Variants in PRKN observed in about 807,000 individuals in gnomAD.
The protein encoded by PRKN is E3 ubiquitin-protein ligase parkin.
Under a neutral mutation model 59.5 loss-of-function variants are expected in PRKN, and 56 were observed. The observed-to-expected ratio is 0.94, with a 90% CI of 0.76 to 1.18. The LOEUF (loss-of-function observed/expected upper bound fraction) is 1.18. PRKN is among the 50% of genes most tolerant of loss of function. The probability of loss-of-function intolerance (pLI) is 0.00; values close to 1 mark genes in which losing one functional copy is unlikely to be tolerated. For synonymous variants in PRKN, 250 were observed against 222.1 expected, an observed-to-expected ratio of 1.13 and a Z score of -1.12; for missense variants, 657 against 596.4, an observed-to-expected ratio of 1.10 and a Z score of -1.06.
At chr6:161,699,904 C>T (rs1175052825) in intron 7 of PRKN, among the ~76,000 whole-genome samples, 2 of 152,086 alleles carry the variant, frequency 1.3e-5, no homozygotes, top group African/African-American at 4.8e-5. Flanking sequence ...TTGTTTTTCC[C>T]TCCTGTCCAT....
chr6:162,643,397 C>CAAAAA (rs59995115), intron 1 of PRKN, among the ~76,000 whole-genome samples: 1,826 of 82,114 alleles, frequency 0.022, 178 homozygotes, highest in African/African-American at 0.07. Context: ...GACTCTGCCT[C>CAAAAA]AAAAAAAAAA....
chr6:161,441,646 T>TAAA (rs549048343), intron 9 of PRKN, among the ~76,000 whole-genome samples: 1 of 97,532 alleles, frequency 1.0e-5, no homozygotes, highest in Non-Finnish European at 2.0e-5. Context: ...CTCTGTCTCT[T>TAAA]AAAAAAAAAA....
chr6:162,618,753 C>T (rs1038077193), intron 1 of PRKN, among the ~76,000 whole-genome samples: 1 of 152,214 alleles, frequency 6.6e-6, no homozygotes, highest in South Asian at 2.1e-4. Flanking sequence ...TTGAAACTCC[C>T]CCCCAAAAGT....
At chr6:162,098,489 T>C (rs1477257420) in intron 4 of PRKN, among the ~76,000 whole-genome samples, 1 of 152,158 alleles carries the variant, frequency 6.6e-6, no homozygotes, top group Non-Finnish European at 1.5e-5. Context: ...GTCTAAGCTA[T>C]TTGGACACTA....
chr6:162,632,926 G>A (rs1777560655), intron 1 of PRKN, among the ~76,000 whole-genome samples: 1 of 152,030 alleles, frequency 6.6e-6, no homozygotes, highest in African/African-American at 2.4e-5. Context: ...CATAAGCAAA[G>A]CTGAAATTCA....
intron 2 of PRKN, among the ~76,000 whole-genome samples, chr6:162,273,418 CA>C (rs1780480253): frequency 6.6e-6 from 1 of 152,110 alleles, no homozygotes; most frequent in South Asian, 2.1e-4. Context: ...CTGACAATGT[CA>C]GTACATAAAT....
chr6:162,105,082 T>C (rs769977691), intron 4 of PRKN, among the ~76,000 whole-genome samples: 1 of 152,158 alleles, frequency 6.6e-6, no homozygotes, highest in Non-Finnish European at 1.5e-5. Context: ...TCATCACGCA[T>C]TAGAGTAAAA....
At chr6:161,971,415 T>C (rs1283062074) in intron 6 of PRKN, among the ~76,000 whole-genome samples, 1 of 152,216 alleles carries the variant, frequency 6.6e-6, no homozygotes, top group Non-Finnish European at 1.5e-5. Flanking sequence ...TTTTGAATTT[T>C]TCCTTTGAAA....
Position 161,355,907 on chromosome 6 carries a change from G to A in PRKN, c.1285+4181C>T, listed in dbSNP as rs909226044. The stretch of plus-strand genomic sequence containing the variant: ...ATTATTAAACTGGTGGGTGGGACTC[G>A]TTGGGTAAAGGGGGAAGCAGACACT... On this transcript the variant is annotated intron_variant, in intron 11 of 11. Transcript: ENST00000366898. The surrounding 1 kb of genome is among the most constrained non-coding windows in gnomAD (Gnocchi z 6.8). 6.6e-5 allele frequency among the ~76,000 whole-genome samples: 10 copies of A among 152,172 alleles called. No homozygotes were observed. Among genetic ancestry groups the A allele is most frequent in the African/African-American group, 1.2e-4 (5 of 41,440 alleles).
intron 7 of PRKN, among the ~76,000 whole-genome samples, chr6:161,643,173 C>T (rs1176829960): frequency 6.6e-6 from 1 of 152,142 alleles, no homozygotes; most frequent in East Asian, 1.9e-4. Flanking sequence ...TTTGTAGAAA[C>T]ACTTCTTTTT....
chr6:161,793,079 T>C (rs1413580800), intron 6 of PRKN, among the ~76,000 whole-genome samples: 1 of 152,322 alleles, frequency 6.6e-6, no homozygotes, highest in South Asian at 2.1e-4. Flanking sequence ...TATGAGTTCA[T>C]TATTTGAATT....
intron 6 of PRKN, among the ~76,000 whole-genome samples, chr6:161,860,447 C>T (rs564787346): frequency 2.0e-5 from 3 of 152,300 alleles, no homozygotes; most frequent in African/African-American, 7.2e-5. Flanking sequence ...TCTTTTTCAA[C>T]ATCAGATTTT....
chr6:162,700,838 T>A (rs976635728), intron 1 of PRKN, among the ~76,000 whole-genome samples: 1 of 152,074 alleles, frequency 6.6e-6, no homozygotes, highest in Non-Finnish European at 1.5e-5. Context: ...GTATTAAAAA[T>A]ACTATACATC....
intron 4 of PRKN, among the ~76,000 whole-genome samples, chr6:162,152,140 C>T (rs2128313979): frequency 6.6e-6 from 1 of 152,226 alleles, no homozygotes; most frequent in Admixed American, 6.5e-5. Flanking sequence ...CTGATTTTAC[C>T]TTCCCAAACT....
At position 161,497,529 on chromosome 6, in the gene PRKN, CTGTGTG is replaced by C. The variant is rs1777797096; in HGVS notation, c.1083+51319_1083+51324del. Among the ~76,000 whole-genome samples the C allele has an allele frequency of 6.6e-6, 1 of 151,680 alleles. No homozygotes were observed. Among genetic ancestry groups the C allele is most frequent in the South Asian group, 2.1e-4 (1 of 4,802 alleles). The stretch of plus-strand genomic sequence containing the variant: ...AGAGTCAAGGGTACAATTCTCAAGT[CTGTGTG>C]TGTGCACAGTGCTTACATGTCTCTC... On this transcript the variant is annotated intron_variant, in intron 9 of 11. Coordinates refer to ENST00000366898, the MANE Select transcript of PRKN (RefSeq NM_004562.3). This position sits in a 1 kb window ranked among gnomAD's most constrained non-coding sequence, Gnocchi z 4.6.
chr6:162,241,424 A>G (rs573325306), intron 3 of PRKN, among the ~76,000 whole-genome samples: 1 of 152,202 alleles, frequency 6.6e-6, no homozygotes, highest in African/African-American at 2.4e-5. Context: ...AATTGAGTAA[A>G]GTGTAATGAG....
At chr6:162,623,190 GTTTTAT>G (rs1782748270) in intron 1 of PRKN, among the ~76,000 whole-genome samples, 1 of 152,030 alleles carries the variant, frequency 6.6e-6, no homozygotes, top group South Asian at 2.1e-4. Context: ...AATTCACTCG[GTTTTAT>G]TTTTGAGAGA....
Position 161,550,889 on chromosome 6 carries a change from G to A in PRKN, c.934-1886C>T, listed in dbSNP as rs991806501. Among the ~76,000 whole-genome samples, 2 of 152,042 alleles carry A rather than the reference G, an allele frequency of 1.3e-5. No individual in the cohort carries two copies. Among genetic ancestry groups the A allele is most frequent in the Admixed American group, 1.3e-4 (2 of 15,254 alleles). ...TAAGTGTAGTTTAGGAGAAAGGCAT[G>A]GGTCCTGGGTACAAATTTTGAAGTC... On this transcript the variant is annotated intron_variant, in intron 8 of 11. Coordinates refer to ENST00000366898, the MANE Select transcript of PRKN (RefSeq NM_004562.3). The surrounding 1 kb of genome is among the most constrained non-coding windows in gnomAD (Gnocchi z 4.0).
At position 161,362,783 on chromosome 6, in the gene PRKN, C is replaced by T. The variant is rs577741446; in HGVS notation, c.1168-2578G>A. 6.6e-6 allele frequency among the ~76,000 whole-genome samples: 1 copy of T among 152,232 alleles called. No homozygotes were observed. Among genetic ancestry groups the T allele is most frequent in the Admixed American group, 6.5e-5 (1 of 15,292 alleles). Reference sequence around the variant, plus strand: ...GAGCACAGCACTTTAAAAAGCCAAACCTCAAGGAAATTACACAAATAAAAT... The same window carrying T: ...GAGCACAGCACTTTAAAAAGCCAAATCTCAAGGAAATTACACAAATAAAAT... On this transcript the variant is annotated intron_variant, in intron 10 of 11. Transcript: ENST00000366898. The surrounding 1 kb of genome is among the most constrained non-coding windows in gnomAD (Gnocchi z 5.2).
Sources: gnomAD v4.1 joint callset for allele counts (sites outside exome capture counted in the v4.1 genomes callset) on GRCh38, gnomAD v4.1.1 for gene constraint, Gnocchi (gnomAD v3.1) non-coding constraint, MANE v1.5 for transcripts, NCBI Gene and HGNC (gene_info 2026-07-23, HGNC 2026-07-21) for gene names.